The following GFRA1 variants were observed in gnomAD, a reference collection of about 807,000 sequenced individuals.
GFRA1 encodes the protein GDNF family receptor alpha 1.
A neutral mutation model predicts 51.6 loss-of-function variants in GFRA1; 16 were observed. The ratio of observed to expected loss-of-function variants is 0.31; its 90% CI spans 0.21 to 0.47. The LOEUF (loss-of-function observed/expected upper bound fraction) is 0.47. GFRA1 is among the 20% of genes least tolerant of loss of function. The pLI is 1.00. For missense variants in GFRA1, 530 were observed against 594.3 expected (o/e 0.89, Z 1.13); for synonymous variants, 270 against 241.3 (o/e 1.12, Z -1.10).
intron 6 of GFRA1, among the ~76,000 whole-genome samples, chr10:116,100,513 A>C (rs1452150037): frequency 6.6e-6 from 1 of 152,278 alleles, no homozygotes; most frequent in South Asian, 2.1e-4. Flanking sequence ...CCAGGCCACA[A>C]GATCAAATGA....
At chr10:116,191,274 A>G (rs1963237588) in intron 5 of GFRA1, among the ~76,000 whole-genome samples, 1 of 152,360 alleles carries the variant, frequency 6.6e-6, no homozygotes, top group African/African-American at 2.4e-5. Flanking sequence ...TAAAGCCCCC[A>G]TACAGGTAGA....
At chr10:116,086,087 T>C (rs1461044896) in intron 9 of GFRA1, among the ~76,000 whole-genome samples, 1 of 152,178 alleles carries the variant, frequency 6.6e-6, no homozygotes, top group Non-Finnish European at 1.5e-5. Flanking sequence ...TCTGGATATG[T>C]CACAAGGCTC....
intron 5 of GFRA1, among the ~76,000 whole-genome samples, chr10:116,178,307 C>A (rs5003167): frequency 0.059 from 8,819 of 149,530 alleles, 375 homozygotes; most frequent in Non-Finnish European, 0.082. Flanking sequence ...GCCGGGGGGG[C>A]GTTTTACTCC....
intron 9 of GFRA1, among the ~76,000 whole-genome samples, chr10:116,089,223 G>A (rs954628213): frequency 2.6e-5 from 4 of 152,146 alleles, no homozygotes; most frequent in African/African-American, 9.7e-5. Context: ...CTGCCAAAGA[G>A]CACTTGCTTT....
intron 9 of GFRA1, among the ~76,000 whole-genome samples, chr10:116,089,341 G>A (rs1316500042): frequency 6.6e-6 from 1 of 152,178 alleles, no homozygotes; most frequent in Non-Finnish European, 1.5e-5. Context: ...ATGTGATGAT[G>A]ACAAACTCAA....
chr10:116,140,002 C>T (rs1958495094), intron 5 of GFRA1, among the ~76,000 whole-genome samples: 1 of 152,190 alleles, frequency 6.6e-6, no homozygotes, highest in Non-Finnish European at 1.5e-5. Context: ...TAAATGGGTC[C>T]TGAGAATTTC....
At chr10:116,081,440 A>C (rs1955846016) in intron 9 of GFRA1, among the ~76,000 whole-genome samples, 1 of 152,226 alleles carries the variant, frequency 6.6e-6, no homozygotes, top group Admixed American at 6.5e-5. Context: ...GCGATGAAAA[A>C]TGTTACCCAG....
At position 116,063,268 on chromosome 10, in the gene GFRA1, G is replaced by A. The variant is rs187728455; in HGVS notation, c.*1130C>T. On this transcript the variant is annotated 3_prime_UTR_variant, in exon 11 of 11. Transcript: ENST00000355422. The stretch of plus-strand genomic sequence containing the variant: ...CAAGCAGCCACCAGTTCCCTCCACA[G>A]GTATGCACGCTTGCACTTCGAGCAA... 6.6e-6 allele frequency: 1 copy of A among 152,328 alleles called. No homozygotes were observed. Among genetic ancestry groups the A allele is most frequent in the Admixed American group, 6.5e-5 (1 of 15,308 alleles). The allele number at this position is 152,328 out of a possible 1,614,324, so 9.4% of individuals were successfully genotyped here. A position where few individuals can be genotyped will look rare whatever the true frequency, so the allele number is the denominator to read the frequency against.
chr10:116,153,447 C>A (rs1028629070), intron 5 of GFRA1, among the ~76,000 whole-genome samples: 1 of 152,210 alleles, frequency 6.6e-6, no homozygotes, highest in African/African-American at 2.4e-5. Flanking sequence ...TGCAGAGCAA[C>A]AGGCTTTGTC....
At chr10:116,128,456 C>T (rs1044043516) in intron 5 of GFRA1, among the ~76,000 whole-genome samples, 3 of 152,004 alleles carry the variant, frequency 2.0e-5, no homozygotes, top group Admixed American at 6.6e-5. Flanking sequence ...CCAGGTGCGG[C>T]GGCTCATGCC....
chr10:116,188,931 T>A (rs1417431369), intron 5 of GFRA1, among the ~76,000 whole-genome samples: 3 of 150,046 alleles, frequency 2.0e-5, no homozygotes, highest in African/African-American at 7.4e-5. Context: ...TGTTATGTTA[T>A]CTACAGTATT....
chr10:116,226,944 G>A (rs571375203), intron 4 of GFRA1, among the ~76,000 whole-genome samples: 31 of 152,220 alleles, frequency 2.0e-4, no homozygotes, highest in Admixed American at 1.5e-3. Context: ...GACAGGTGGC[G>A]CAGGTCAGGC....
At chr10:116,255,665 G>A (rs887418769) in intron 4 of GFRA1, 22 of 1,286,988 alleles carry the variant, frequency 1.7e-5, no homozygotes, top group African/African-American at 7.6e-5. Flanking sequence ...CCCACATTCC[G>A]GTCTCTGCCA....
chr10:116,097,449 G>A (rs547732204), intron 6 of GFRA1, among the ~76,000 whole-genome samples: 1 of 152,334 alleles, frequency 6.6e-6, no homozygotes, highest in African/African-American at 2.4e-5. Context: ...GCTGCCTGCA[G>A]GTTGGAATCT....
At chr10:116,090,924 C>T (rs376990423) in intron 8 of GFRA1, among the ~76,000 whole-genome samples, 19 of 152,154 alleles carry the variant, frequency 1.2e-4, no homozygotes, top group East Asian at 5.8e-4. Context: ...AAATTGGAAG[C>T]TTGTTTTCTG....
At chr10:116,223,511 G>A (rs11197594) in intron 4 of GFRA1, among the ~76,000 whole-genome samples, 55,621 of 151,994 alleles carry the variant, frequency 0.37, 12,143 homozygotes, top group East Asian at 0.55. Flanking sequence ...TCTCTCCATC[G>A]TCCCATGTCA....
intron 8 of GFRA1, among the ~76,000 whole-genome samples, chr10:116,091,113 AACATGTAGATTCAAGAGACTC>A (rs1487958657): frequency 6.6e-6 from 1 of 152,186 alleles, no homozygotes; most frequent in African/African-American, 2.4e-5. Flanking sequence ...TTTTGCTTAA[AACATGTAGATTCAAGAGACTC>A]ACAGTTTCTT....
chr10:116,271,895 GC>G, intron 2 of GFRA1, 94 bp downstream of exon 2: 1 of 936,844 alleles, frequency 1.1e-6, no homozygotes, highest in Non-Finnish European at 1.7e-6. Flanking sequence ...CCACACCCGC[GC>G]CCCAATTTTG....
chr10:116,135,327 C>T (rs1179385270), intron 5 of GFRA1, among the ~76,000 whole-genome samples: 3 of 152,182 alleles, frequency 2.0e-5, no homozygotes, highest in Non-Finnish European at 2.9e-5. Context: ...ATAAAAATCT[C>T]GGGTTCATAA....
Sources: gnomAD v4.1 joint callset for allele counts (sites outside exome capture counted in the v4.1 genomes callset) on GRCh38, gnomAD v4.1.1 for gene constraint, MANE v1.5 for transcripts, NCBI Gene and HGNC (gene_info 2026-07-23, HGNC 2026-07-21) for gene names.